Variants in LTF observed in about 807,000 individuals in gnomAD.
LTF encodes lactotransferrin.
In LTF, 91 loss-of-function variants were observed where a neutral mutation model predicts 87.2. That is an observed-to-expected ratio of 1.04 (90% CI 0.88 to 1.24). The LOEUF (loss-of-function observed/expected upper bound fraction) is 1.24. Ranked by LOEUF, LTF falls within the 50% of genes most tolerant of loss-of-function variation. The probability of loss-of-function intolerance (pLI) is 0.00; values close to 1 mark genes in which losing one functional copy is unlikely to be tolerated. For missense variants in LTF, 901 were observed against 904.3 expected, an observed-to-expected ratio of 1.00 and a Z score of 0.05; for synonymous variants, 378 against 356.1, an observed-to-expected ratio of 1.06 and a Z score of -0.69.
chr3:46,465,459 C>G (rs1196022883), upstream of LTF, among the ~76,000 whole-genome samples: 1 of 152,180 alleles, frequency 6.6e-6, no homozygotes, highest in African/African-American at 2.4e-5. Flanking sequence ...CATGGGGTAT[C>G]TCCCTGCCCT....
intron 2 of LTF, among the ~76,000 whole-genome samples, chr3:46,458,929 T>C (rs1266089709): frequency 2.0e-5 from 3 of 152,246 alleles, no homozygotes; most frequent in South Asian, 2.1e-4. Flanking sequence ...AAAACATTGA[T>C]TAAACTAGAT....
upstream of LTF, among the ~76,000 whole-genome samples, chr3:46,468,821 T>G (rs1210234460): frequency 6.6e-6 from 1 of 152,194 alleles, no homozygotes. Flanking sequence ...TTGTTAAACA[T>G]TTAGGGATTT....
rs972658631 is a variant in LTF at position 46,439,231 on chromosome 3, G to A, written c.1908+65C>T. 7 of 1,485,732 alleles carry A rather than the reference G, an allele frequency of 4.7e-6. No homozygotes were observed. In the East Asian group the frequency reaches 1.6e-4, roughly 34 times the overall value. 92.0% of individuals were successfully genotyped at this position (1,485,732 alleles called of 1,614,324 possible). On this transcript the variant is annotated intron_variant, in intron 15 of 16. Coordinates refer to ENST00000231751, the MANE Select transcript of LTF (RefSeq NM_002343.6). ...CGAGTGGGCTGGTGCACCTAGCTCT[G>A]TGATCTCCTCACCTAACATGAGCCC...
At chr3:46,446,397 A>G (rs1159553578) in intron 11 of LTF, 43 bp downstream of exon 11, 6 of 1,549,774 alleles carry the variant, frequency 3.9e-6, no homozygotes, top group African/African-American at 1.4e-5. Context: ...TTCCAGCAAC[A>G]AGAACTTATC....
intron 4 of LTF, 110 bp from the exon 5 acceptor site, chr3:46,455,552 C>T: frequency 7.4e-7 from 1 of 1,347,978 alleles, no homozygotes; most frequent in Non-Finnish European, 1.0e-6. Context: ...TCCACCCCTG[C>T]AGGAGAGACT....
At chr3:46,459,055 A>G (rs1703012603) in intron 2 of LTF, among the ~76,000 whole-genome samples, 1 of 152,254 alleles carries the variant, frequency 6.6e-6, no homozygotes, top group Admixed American at 6.5e-5. Flanking sequence ...ACACATGATT[A>G]TGGCACATGG....
At chr3:46,456,520 C>G (rs1702939853) in intron 2 of LTF, 122 bp from the exon 3 acceptor site, 2 of 676,746 alleles carry the variant, frequency 3.0e-6, no homozygotes, top group Non-Finnish European at 5.1e-6. Flanking sequence ...CGCTTTCCAT[C>G]CTGTCCCCTC....
Position 46,435,926 on chromosome 3 carries a change from G to A in LTF, c.*269C>T. ...GGGGCTGGACCTGAAAAACTTGGAAGGGAAGGTCCAACTGTACAGGTATTT... is the reference window on the plus strand; with the variant it reads ...GGGGCTGGACCTGAAAAACTTGGAAAGGAAGGTCCAACTGTACAGGTATTT... On this transcript the variant is annotated 3_prime_UTR_variant, in exon 17 of 17. Transcript: ENST00000231751. 1 of 480,646 alleles carries A rather than the reference G, an allele frequency of 2.1e-6. No homozygotes were observed. The highest frequency in any genetic ancestry group is 2.4e-5 in the South Asian group (1 of 41,098). The allele number at this position is 480,646 out of a possible 1,614,324, so 29.8% of individuals were successfully genotyped here.
At chr3:46,443,715 A>G in intron 12 of LTF, 133 bp from the exon 13 acceptor site, 2 of 802,420 alleles carry the variant, frequency 2.5e-6, no homozygotes, top group South Asian at 3.1e-5. Flanking sequence ...GAACACACTC[A>G]CCATCACAAA....
rs763669047 is a variant in LTF, at chr3:46,455,298, A to G, written c.644T>C (p.Phe215Ser). The change falls in exon 5 of 17, where the codon TTC (phenylalanine) becomes TCC (serine). Residue 215 changes from phenylalanine (F) to serine (S), a missense_variant. By Grantham distance (155) the Phe-to-Ser change is radical. Coordinates refer to ENST00000231751, the MANE Select transcript of LTF (RefSeq NM_002343.6). ...AGAAGGGGACAGGGTCACTCACTTG[A>G]AGGCACCAGAGTAGCTGAAGTACGG... The part of the protein sequence containing the change: ...QEPYFSYSGA[F>S]KCLRDGAGDV... 3.1e-6 allele frequency: 5 copies of G among 1,614,096 alleles called. No individual in the cohort carries two copies. The highest frequency in any genetic ancestry group is 4.2e-6 in the Non-Finnish European group (5 of 1,180,042).
At chr3:46,470,468 TGCAAG>T (rs1202421654) in intron 1 of LTF, 7 of 152,372 alleles carry the variant, frequency 4.6e-5, no homozygotes, top group African/African-American at 1.7e-4. Flanking sequence ...GTCTGTGTCC[TGCAAG>T]GACAAGATCA....
At position 46,450,676 on chromosome 3, in the gene LTF, G is replaced by T; in HGVS notation, c.704-3C>A. 1 of 1,606,332 alleles carries T rather than the reference G, an allele frequency of 6.2e-7. No homozygotes were observed. On this transcript the variant is annotated splice_polypyrimidine_tract_variant and splice_region_variant and intron_variant, in intron 6 of 16. Coordinates refer to ENST00000231751, the MANE Select transcript of LTF (RefSeq NM_002343.6). ...TTCAGCCTCGTCTGACAGGTCCTCTGCAGGGAAGGTGAGGTGGGAGGGAGT... is the reference window on the plus strand; with the variant it reads ...TTCAGCCTCGTCTGACAGGTCCTCTTCAGGGAAGGTGAGGTGGGAGGGAGT...
chr3:46,436,381 C>G lies in LTF; in HGVS notation c.2099-152G>C. 3 of 713,172 alleles carry G rather than the reference C, an allele frequency of 4.2e-6. No homozygotes were observed. In the South Asian group the frequency reaches 5.1e-5, roughly 12 times the overall value. The allele number at this position is 713,172 out of a possible 1,614,324, so 44.2% of individuals were successfully genotyped here. On this transcript the variant is annotated intron_variant, in intron 16 of 16. Transcript: ENST00000231751. ...TTGCCACACTCATATTCCCACTCCCCTACTCCTAGCGACTACGGTGTTCAA... is the reference window on the plus strand; with the variant it reads ...TTGCCACACTCATATTCCCACTCCCGTACTCCTAGCGACTACGGTGTTCAA...
chr3:46,455,429 G>C lies in LTF; in HGVS notation c.513C>G (p.Phe171Leu). 6.2e-7 allele frequency: 1 copy of C among 1,614,252 alleles called. No homozygotes were observed. Among genetic ancestry groups the C allele is most frequent in the South Asian group, 1.1e-5 (1 of 91,086 alleles). Residue 171 changes from phenylalanine to leucine, a missense_variant, in exon 5 of 17, where the codon TTC becomes TTG. Physicochemically the swap from Phe to Leu is conservative, Grantham distance 22. Transcript: ENST00000231751. ...PEPIEAAVARFFSASCVPGAD... is the reference protein window; with the variant it reads ...PEPIEAAVARLFSASCVPGAD... The stretch of plus-strand genomic sequence containing the variant: ...CACCGGGAACACAGCTGGCTGAGAA[G>C]AACCTGGCCACAGCTGTTAAACACA...
intron 6 of LTF, 21 bp downstream of exon 6, chr3:46,454,284 G>A (rs1052900531): frequency 2.2e-5 from 36 of 1,612,544 alleles, no homozygotes; most frequent in African/African-American, 8.0e-5. Context: ...CAGTACCCAC[G>A]GCTCATTACC....
intron 7 of LTF, among the ~76,000 whole-genome samples, chr3:46,450,259 G>A (rs989382866): frequency 6.6e-6 from 1 of 152,084 alleles, no homozygotes; most frequent in East Asian, 1.9e-4. Flanking sequence ...TGAGAAGATT[G>A]CATCGACCAC....
At chr3:46,466,408 A>G (rs909433781), upstream of LTF, among the ~76,000 whole-genome samples, 9 of 152,254 alleles carry the variant, frequency 5.9e-5, no homozygotes, top group Non-Finnish European at 1.2e-4. Context: ...ACTACTTGGT[A>G]CTAAAAAGCA....
Position 46,476,239 on chromosome 3 carries a change from G to A in LTF, c.-319-5773C>T, listed in dbSNP as rs913138005. Reference sequence around the variant, plus strand: ...AACAGATATGGAGATAACAGCATCCGGGTCTTGTTCCTGATCTCAGAAGGC... The same window carrying A: ...AACAGATATGGAGATAACAGCATCCAGGTCTTGTTCCTGATCTCAGAAGGC... On this transcript the variant is annotated intron_variant, in intron 1 of 19. Coordinates refer to the LTF transcript ENST00000443496. Among the ~76,000 whole-genome samples, 4 of 152,250 alleles carry A rather than the reference G, an allele frequency of 2.6e-5. No homozygotes were observed. In the South Asian group the frequency reaches 6.2e-4, roughly 24 times the overall value.
chr3:46,460,690 A>G (rs1357931493), intron 1 of LTF: 2 of 428,246 alleles, frequency 4.7e-6, no homozygotes, highest in Admixed American at 2.5e-5. Flanking sequence ...CAACTCTTCT[A>G]TTCAACAGTA....
Sources: gnomAD v4.1 joint callset for allele counts (sites outside exome capture counted in the v4.1 genomes callset) on GRCh38, gnomAD v4.1.1 for gene constraint, MANE v1.5 for transcripts, NCBI Gene and HGNC (gene_info 2026-07-23, HGNC 2026-07-21) for gene names.